RASGRF2: variants seen among roughly 807,000 people sequenced by gnomAD.
The protein encoded by RASGRF2 is Ras protein specific guanine nucleotide releasing factor 2.
Under a neutral mutation model 151.0 loss-of-function variants are expected in RASGRF2, and 76 were observed. That is an observed-to-expected ratio of 0.50 (90% confidence interval 0.42 to 0.61). The LOEUF (loss-of-function observed/expected upper bound fraction) is 0.61. Ranked by LOEUF, RASGRF2 falls within the 20% of genes least tolerant of loss-of-function variation. The probability of loss-of-function intolerance (pLI) is 0.00; values close to 1 mark genes in which losing one functional copy is unlikely to be tolerated. For synonymous variants in RASGRF2, 504 were observed against 566.5 expected, an observed-to-expected ratio of 0.89 and a Z score of 1.57; for missense variants, 1,148 against 1,564.6, an observed-to-expected ratio of 0.73 and a Z score of 4.49.
intron 18 of RASGRF2, among the ~76,000 whole-genome samples, chr5:81,197,422 G>A (rs1174713828): frequency 8.3e-6 from 1 of 119,984 alleles, no homozygotes; most frequent in African/African-American, 3.3e-5. Flanking sequence ...CGCCACTGCA[G>A]TCCGCAATCC....
At chr5:81,017,629 G>A (rs1433272671) in intron 1 of RASGRF2, among the ~76,000 whole-genome samples, 6 of 152,206 alleles carry the variant, frequency 3.9e-5, no homozygotes, top group East Asian at 1.9e-4. Flanking sequence ...GTGTAACCAT[G>A]ATATGAAAAG....
intron 16 of RASGRF2, among the ~76,000 whole-genome samples, chr5:81,124,452 G>A (rs1753397607): frequency 6.6e-6 from 1 of 152,172 alleles, no homozygotes; most frequent in Admixed American, 6.5e-5. Flanking sequence ...CCCAGTCTCT[G>A]ATATATTACC....
intron 7 of RASGRF2, among the ~76,000 whole-genome samples, chr5:81,082,679 C>T (rs980308611): frequency 7.2e-5 from 11 of 152,126 alleles, no homozygotes; most frequent in African/African-American, 2.7e-4. Flanking sequence ...AGTCTAGGAG[C>T]CCCCTCCCCA....
At chr5:80,985,560 G>A (rs1320392417) in intron 1 of RASGRF2, among the ~76,000 whole-genome samples, 3 of 152,162 alleles carry the variant, frequency 2.0e-5, no homozygotes, top group Non-Finnish European at 4.4e-5. Context: ...CAAACAAATT[G>A]TTTTGGTAGT....
At position 81,094,909 on chromosome 5, in the gene RASGRF2, C is replaced by G. The variant is rs1170354075; in HGVS notation, c.1672C>G (p.Pro558Ala). The change falls in exon 12 of 27, where the codon CCT becomes GCT. Residue 558 changes from proline (P) to alanine (A), a missense_variant. Coordinates refer to ENST00000265080, the MANE Select transcript of RASGRF2 (RefSeq NM_006909.3). ...CCTGGATTTTAAAATAGTGGTGGAG[C>G]CTCCTGACGCTGCCGCCTTCACTGT... ...GHLDFKIVVEPPDAAAFTVVL... is the reference protein window; with the variant it reads ...GHLDFKIVVEAPDAAAFTVVL... 1 of 1,602,890 alleles carries G rather than the reference C, an allele frequency of 6.2e-7. No homozygotes were observed. The highest frequency in any genetic ancestry group is 8.5e-7 in the Non-Finnish European group (1 of 1,171,212).
At position 81,113,837 on chromosome 5, in the gene RASGRF2, A is replaced by G. The variant is rs763275174; in HGVS notation, c.2387A>G (p.Glu796Gly). Residue 796 changes from glutamate to glycine, a missense_variant, in exon 15 of 27, where the codon GAG becomes GGG. Glu to Gly is a moderately conservative substitution (Grantham distance 98, BLOSUM62 -2). Transcript: ENST00000265080. ...LDLSRGLSSP[E>G]QSPGTVEENV... ...CTCAGCAGAGGCCTCTCTTCTCCAG[A>G]GCAAAGCCCGGGAACGGTAGAAGAG... 4.3e-6 allele frequency: 7 copies of G among 1,614,198 alleles called. No individual in the cohort carries two copies. The Admixed American group carries it at 5.0e-5, about 12-fold the overall frequency.
intron 2 of RASGRF2, among the ~76,000 whole-genome samples, chr5:81,057,806 G>A: frequency 6.6e-6 from 1 of 151,952 alleles, no homozygotes; most frequent in East Asian, 1.9e-4. Context: ...ACCAGCCTGG[G>A]GAACATAGTG....
intron 17 of RASGRF2, among the ~76,000 whole-genome samples, chr5:81,172,044 C>G (rs555072522): frequency 5.3e-5 from 8 of 152,204 alleles, no homozygotes; most frequent in African/African-American, 1.4e-4. Context: ...GTGGGAGGAG[C>G]CTGCATTTTA....
At chr5:81,184,419 G>T (rs938657501) in intron 18 of RASGRF2, among the ~76,000 whole-genome samples, 1 of 152,218 alleles carries the variant, frequency 6.6e-6, no homozygotes, top group Non-Finnish European at 1.5e-5. Flanking sequence ...ACAAGACTCT[G>T]TCGAAGGCCT....
chr5:81,173,324 G>A lies in RASGRF2; in HGVS notation c.2687-6851G>A, dbSNP rs1374317518. 2.0e-5 allele frequency among the ~76,000 whole-genome samples: 3 copies of A among 152,178 alleles called. No homozygotes were observed. The East Asian group carries it at 5.8e-4, about 29-fold the overall frequency. ...ACCCGGGAGGCAGAGGTTGCAGTGAGCCAAGATCGTGCCATTGCACTCCAG... is the reference window on the plus strand; with the variant it reads ...ACCCGGGAGGCAGAGGTTGCAGTGAACCAAGATCGTGCCATTGCACTCCAG... On this transcript the variant is annotated intron_variant, in intron 17 of 26. Transcript: ENST00000265080.
intron 17 of RASGRF2, among the ~76,000 whole-genome samples, chr5:81,162,720 G>A (rs1382244421): frequency 6.6e-6 from 1 of 152,160 alleles, no homozygotes; most frequent in Non-Finnish European, 1.5e-5. Flanking sequence ...ACATCCGACA[G>A]GAAAAAAGCA....
Position 81,092,834 on chromosome 5 carries a change from G to A in RASGRF2, c.1424G>A (p.Gly475Glu). 6.2e-7 allele frequency: 1 copy of A among 1,613,548 alleles called. No homozygotes were observed. Among genetic ancestry groups the A allele is most frequent in the Non-Finnish European group, 8.5e-7 (1 of 1,179,604 alleles). The change falls in exon 10 of 27, where the codon GGG becomes GAG. Residue 475 changes from glycine (G) to glutamate (E), a missense_variant. By Grantham distance (98) the Gly-to-Glu change is moderately conservative. Around this residue, in one of 5 missense-constraint regions of RASGRF2, gnomAD observed 646 missense variants for 807.4 expected, o/e 0.80. Transcript: ENST00000265080. Reference protein sequence around the residue: ...SLIQVPSVERGKLSKVRLGSL... With the variant: ...SLIQVPSVEREKLSKVRLGSL... ...ATTCAAGTACCTTCCGTTGAGAGGGGGAAACTTAGTAAAGTTCGCCTGGGT... is the reference window on the plus strand; with the variant it reads ...ATTCAAGTACCTTCCGTTGAGAGGGAGAAACTTAGTAAAGTTCGCCTGGGT...
At chr5:81,225,552 A>AT in intron 26 of RASGRF2, 126 bp from the exon 27 acceptor site, 1 of 1,225,922 alleles carries the variant, frequency 8.2e-7, no homozygotes, top group Non-Finnish European at 1.1e-6. Context: ...CATATTTATG[A>AT]TTTTTTGGTC....
intron 1 of RASGRF2, among the ~76,000 whole-genome samples, chr5:80,973,729 C>A (rs1264083763): frequency 2.0e-5 from 3 of 152,128 alleles, no homozygotes; most frequent in Non-Finnish European, 4.4e-5. Flanking sequence ...TGACCATTAT[C>A]CAGGAAGTGG....
intron 9 of RASGRF2, 23 bp downstream of exon 9, chr5:81,086,976 C>G: frequency 1.3e-6 from 2 of 1,578,282 alleles, no homozygotes; most frequent in Non-Finnish European, 1.7e-6. Context: ...GAAATGGACC[C>G]GCGACCTGAT....
intron 1 of RASGRF2, among the ~76,000 whole-genome samples, chr5:81,022,165 G>A (rs1224347319): frequency 6.6e-6 from 1 of 152,206 alleles, no homozygotes; most frequent in African/African-American, 2.4e-5. Context: ...CTGCAGGAGA[G>A]TGGGTTGAAG....
At chr5:81,206,603 C>CCT (rs1755513689) in intron 19 of RASGRF2, among the ~76,000 whole-genome samples, 1 of 152,146 alleles carries the variant, frequency 6.6e-6, no homozygotes, top group Non-Finnish European at 1.5e-5. Flanking sequence ...TCATTTACAA[C>CCT]CTTGTATGTA....
At chr5:81,207,575 G>A (rs1177689815) in intron 21 of RASGRF2, among the ~76,000 whole-genome samples, 1 of 152,196 alleles carries the variant, frequency 6.6e-6, no homozygotes, top group Non-Finnish European at 1.5e-5. Flanking sequence ...CAGGGACTTA[G>A]TCAACCTGAG....
At chr5:81,066,045 C>T (rs1237623363) in intron 2 of RASGRF2, among the ~76,000 whole-genome samples, 1 of 152,064 alleles carries the variant, frequency 6.6e-6, no homozygotes, top group Non-Finnish European at 1.5e-5. Flanking sequence ...TACTGCTTTG[C>T]TACCTAACAC....
Sources: allele counts gnomAD v4.1 joint callset (sites outside exome capture counted in the v4.1 genomes callset), GRCh38; gene constraint gnomAD v4.1.1; regional missense constraint gnomAD v4.1.1; transcripts MANE v1.5; gene names NCBI Gene and HGNC (gene_info 2026-07-23, HGNC 2026-07-21).